ADAMTS17: variants seen among roughly 807,000 people sequenced by gnomAD.
ADAMTS17 encodes A disintegrin and metalloproteinase with thrombospondin motifs 17.
Under a neutral mutation model 141.5 loss-of-function variants are expected in ADAMTS17, and 113 were observed. The observed-to-expected ratio is 0.80, with a 90% CI of 0.69 to 0.93. ADAMTS17 has a LOEUF of 0.93. ADAMTS17 is among the 40% of genes least tolerant of loss of function. The pLI, the probability that ADAMTS17 is intolerant of heterozygous loss-of-function variation, is 0.00. For synonymous variants in ADAMTS17, 768 were observed against 630.6 expected (o/e 1.22, Z -3.27); for missense variants, 1,659 against 1,517.9 (o/e 1.09, Z -1.54).
At chr15:100,075,497 T>A (rs1438826239) in intron 15 of ADAMTS17, among the ~76,000 whole-genome samples, 1 of 152,228 alleles carries the variant, frequency 6.6e-6, no homozygotes, top group Admixed American at 6.5e-5. Context: ...GGCTGTTGTA[T>A]GAGTGGCTCC....
At chr15:100,070,168 G>A (rs1596342250) in intron 15 of ADAMTS17, among the ~76,000 whole-genome samples, 1 of 150,146 alleles carries the variant, frequency 6.7e-6, no homozygotes, top group Non-Finnish European at 1.5e-5. Context: ...ATGGTAAAGG[G>A]ATCAATTCAA....
At chr15:100,329,909 T>C (rs1174518743) in intron 3 of ADAMTS17, among the ~76,000 whole-genome samples, 1 of 152,214 alleles carries the variant, frequency 6.6e-6, no homozygotes, top group Non-Finnish European at 1.5e-5. Flanking sequence ...GTCACCGGGA[T>C]ACTAAACCAA....
At chr15:100,309,022 C>T (rs2045318785) in intron 3 of ADAMTS17, among the ~76,000 whole-genome samples, 3 of 152,244 alleles carry the variant, frequency 2.0e-5, no homozygotes, top group Admixed American at 1.3e-4. Context: ...ACGTTCTCAA[C>T]AACATGGTCC....
intron 6 of ADAMTS17, among the ~76,000 whole-genome samples, chr15:100,260,638 A>AAAAAC (rs946446725): frequency 6.6e-6 from 1 of 151,984 alleles, no homozygotes; most frequent in African/African-American, 2.4e-5. Flanking sequence ...CCAAAAAACA[A>AAAAAC]AAAACAAAAC....
In ADAMTS17 at chr15:100,254,194, A is replaced by T. The variant is rs1250457501; in HGVS notation, c.1032-15T>A. 1 of 1,612,038 alleles carries T rather than the reference A, an allele frequency of 6.2e-7. No individual in the cohort carries two copies. Among genetic ancestry groups the T allele is most frequent in the Non-Finnish European group, 8.5e-7 (1 of 1,178,160 alleles). On this transcript the variant is annotated splice_polypyrimidine_tract_variant and intron_variant, in intron 6 of 21. Coordinates refer to ENST00000268070, the MANE Select transcript of ADAMTS17 (RefSeq NM_139057.4). ...AGAAATCTGTCCTAAAAAATAAAAA[A>T]GCCATCATCAGGTATATGCAGTATC... is the stretch of plus-strand genomic sequence containing the variant.
intron 8 of ADAMTS17, among the ~76,000 whole-genome samples, chr15:100,193,240 G>A (rs1427180635): frequency 1.3e-5 from 2 of 152,204 alleles, no homozygotes; most frequent in African/African-American, 4.8e-5. Context: ...TACGCTTTGC[G>A]CCATGTCCTC....
intron 7 of ADAMTS17, among the ~76,000 whole-genome samples, chr15:100,223,333 C>CT (rs533227052): frequency 1.3e-5 from 2 of 152,016 alleles, no homozygotes; most frequent in Admixed American, 6.6e-5. Flanking sequence ...AGCACTGACT[C>CT]TTTTTTTTCA....
At chr15:100,038,217 A>G (rs548206568) in intron 18 of ADAMTS17, among the ~76,000 whole-genome samples, 1 of 152,322 alleles carries the variant, frequency 6.6e-6, no homozygotes, top group African/African-American at 2.4e-5. Context: ...GTTATACGCC[A>G]TTGTTCTTTA....
chr15:100,085,831 G>A (rs1432644233), intron 15 of ADAMTS17, among the ~76,000 whole-genome samples: 2 of 151,948 alleles, frequency 1.3e-5, no homozygotes, highest in Non-Finnish European at 2.9e-5. Context: ...TGCCCTACAA[G>A]AGCTCTTGAA....
Position 100,070,231 on chromosome 15 carries a change from G to C in ADAMTS17, c.2138-16177C>G, listed in dbSNP as rs915508573. 1.8e-4 allele frequency among the ~76,000 whole-genome samples: 27 copies of C among 146,826 alleles called. 1 individual carries two copies. Among genetic ancestry groups the C allele is most frequent in the Non-Finnish European group, 3.9e-4 (26 of 66,348 alleles). ...TATGCACCCAATACAGGAGCACCCAGATTCATAAAGCAAGTCCTGAGTGAC... is the reference window on the plus strand; with the variant it reads ...TATGCACCCAATACAGGAGCACCCACATTCATAAAGCAAGTCCTGAGTGAC... On this transcript the variant is annotated intron_variant, in intron 15 of 21. Coordinates refer to ENST00000268070, the MANE Select transcript of ADAMTS17 (RefSeq NM_139057.4).
intron 3 of ADAMTS17, among the ~76,000 whole-genome samples, chr15:100,305,367 T>C (rs1345579070): frequency 6.6e-6 from 1 of 152,254 alleles, no homozygotes; most frequent in Non-Finnish European, 1.5e-5. Flanking sequence ...TTCTGGTCCC[T>C]GAAATAAATC....
intron 7 of ADAMTS17, among the ~76,000 whole-genome samples, chr15:100,224,335 T>C (rs535349125): frequency 2.6e-5 from 4 of 152,196 alleles, no homozygotes; most frequent in South Asian, 2.1e-4. Flanking sequence ...GGTACAGATA[T>C]ACCAGGGAGG....
chr15:100,116,977 A>T lies in ADAMTS17; in HGVS notation c.1758T>A (p.Ser586Arg), dbSNP rs760593522. 1.2e-6 allele frequency: 2 copies of T among 1,613,534 alleles called. No homozygotes were observed. Among genetic ancestry groups the T allele is most frequent in the African/African-American group, 2.7e-5 (2 of 74,890 alleles). The part of the protein sequence containing the change: ...GPGGTHCPGA[S>R]VEHAVCENLP... ...GGTTCTCGCAGACCGCATGTTCTAC[A>T]CTGGCACCCGGGCAGTGTGTGCCTC... Residue 586 changes from serine to arginine, a missense_variant, in exon 13 of 22, where the codon AGT becomes AGA. Physicochemically the swap from Ser to Arg is moderately radical, Grantham distance 110. Coordinates refer to ENST00000268070, the MANE Select transcript of ADAMTS17 (RefSeq NM_139057.4).
intron 18 of ADAMTS17, among the ~76,000 whole-genome samples, chr15:100,047,031 A>G (rs1451028497): frequency 6.6e-6 from 1 of 152,044 alleles, no homozygotes; most frequent in Non-Finnish European, 1.5e-5. Flanking sequence ...AGCAAGGAAC[A>G]TCCCTGAGAA....
chr15:100,120,256 G>C (rs1567208391), intron 12 of ADAMTS17, among the ~76,000 whole-genome samples: 1 of 152,170 alleles, frequency 6.6e-6, no homozygotes, highest in African/African-American at 2.4e-5. Flanking sequence ...CAGCTTCCAG[G>C]GGAAAGCCAG....
At chr15:100,288,408 A>C (rs2044517930) in intron 3 of ADAMTS17, among the ~76,000 whole-genome samples, 1 of 152,246 alleles carries the variant, frequency 6.6e-6, no homozygotes, top group Non-Finnish European at 1.5e-5. Context: ...GATAATACAT[A>C]GTAACAGCTG....
At chr15:100,051,785 G>A (rs2032168661) in intron 16 of ADAMTS17, 54 bp from the exon 17 acceptor site, 12 of 1,609,674 alleles carry the variant, frequency 7.5e-6, no homozygotes, top group African/African-American at 5.3e-5. Context: ...AGGCCCGTGG[G>A]AATGCCGAAT....
chr15:100,118,710 C>A (rs77823636), intron 12 of ADAMTS17, among the ~76,000 whole-genome samples: 1 of 152,104 alleles, frequency 6.6e-6, no homozygotes, highest in Non-Finnish European at 1.5e-5. Context: ...CCACGGAACA[C>A]GGCATGGAAG....
chr15:100,136,967 T>G (rs1342928959), intron 10 of ADAMTS17, among the ~76,000 whole-genome samples: 1 of 152,162 alleles, frequency 6.6e-6, no homozygotes, highest in African/African-American at 2.4e-5. Context: ...CTGGAGTGAG[T>G]GATGCTGATA....
Sources: allele counts gnomAD v4.1 joint callset (sites outside exome capture counted in the v4.1 genomes callset), GRCh38; gene constraint gnomAD v4.1.1; transcripts MANE v1.5; gene names NCBI Gene and HGNC (gene_info 2026-07-23, HGNC 2026-07-21).